Variants in CFAP70 observed in about 807,000 individuals in gnomAD.
The protein encoded by CFAP70 is cilia- and flagella-associated protein 70.
Under a neutral mutation model 137.6 loss-of-function variants are expected in CFAP70, and 81 were observed. That is an observed-to-expected ratio of 0.59 (90% CI 0.49 to 0.71). The LOEUF (loss-of-function observed/expected upper bound fraction) is 0.71, where lower values mean the gene tolerates loss of function less well. CFAP70 is among the 30% of genes least tolerant of loss of function. The probability of loss-of-function intolerance (pLI) is 0.00; values close to 1 mark genes in which losing one functional copy is unlikely to be tolerated. For missense variants in CFAP70, 976 were observed against 1,226.7 expected, an observed-to-expected ratio of 0.80 and a Z score of 3.05; for synonymous variants, 382 against 423.6, an observed-to-expected ratio of 0.90 and a Z score of 1.20.
chr10:73,344,625 T>C (rs1391972911), intron 5 of CFAP70, among the ~76,000 whole-genome samples: 5 of 152,200 alleles, frequency 3.3e-5, no homozygotes, highest in Admixed American at 2.6e-4. Flanking sequence ...AGAAGCCTTT[T>C]AGCAAGCAAG....
intron 19 of CFAP70, among the ~76,000 whole-genome samples, chr10:73,280,463 C>A (rs943464453): frequency 6.6e-6 from 1 of 152,154 alleles, no homozygotes; most frequent in South Asian, 2.1e-4. Flanking sequence ...TAAGTGTTCT[C>A]TTTTTCTCTA....
In CFAP70 at chr10:73,277,489, C is replaced by G. The variant is rs142602236; in HGVS notation, c.2399-128G>C. Reference sequence around the variant, plus strand: ...CAGCACTTTGGGAGGCCGAGGCAGGCAGATCACGAGGTCAGGAGTTCGAGA... The same window carrying G: ...CAGCACTTTGGGAGGCCGAGGCAGGGAGATCACGAGGTCAGGAGTTCGAGA... On this transcript the variant is annotated intron_variant, in intron 20 of 26. Coordinates refer to ENST00000310715, the Ensembl canonical transcript of CFAP70. 12,224 of 960,196 alleles carry G rather than the reference C, an allele frequency of 0.013. 636 individuals carry two copies. In the African/African-American group the frequency reaches 0.13, roughly 10 times the overall value. The allele number at this position is 960,196 out of a possible 1,614,324, so 59.5% of individuals were successfully genotyped here.
At chr10:73,326,432 A>C (rs1292812562) in intron 8 of CFAP70, among the ~76,000 whole-genome samples, 3 of 146,638 alleles carry the variant, frequency 2.0e-5, no homozygotes. Context: ...AAGAACTAGA[A>C]AAGCAAGAGC....
chr10:73,272,934 G>A, exon 24 of CFAP70: 5 of 1,552,162 alleles, frequency 3.2e-6, no homozygotes, highest in Non-Finnish European at 4.4e-6. Context: ...TTACCCGATA[G>A]CAGGCGATTC....
At chr10:73,358,498 G>A (rs2054845385) in intron 1 of CFAP70, among the ~76,000 whole-genome samples, 1 of 152,236 alleles carries the variant, frequency 6.6e-6, no homozygotes, top group South Asian at 2.1e-4. Context: ...GTAAAGGAAG[G>A]TCTACGTCCG....
At chr10:73,361,082 T>G (rs1217459099), upstream of CFAP70, among the ~76,000 whole-genome samples, 1 of 151,346 alleles carries the variant, frequency 6.6e-6, no homozygotes, top group African/African-American at 2.4e-5. Flanking sequence ...CACTGCAACC[T>G]CCACCTCCTG....
At chr10:73,345,076 A>T (rs1196787138) in exon 5 of CFAP70, 1 of 1,614,040 alleles carries the variant, frequency 6.2e-7, no homozygotes. Context: ...TCTCCAAGTG[A>T]TGGAACTTGC....
At chr10:73,309,941 A>T (rs536924070) in intron 12 of CFAP70, among the ~76,000 whole-genome samples, 2 of 152,268 alleles carry the variant, frequency 1.3e-5, no homozygotes, top group Non-Finnish European at 2.9e-5. Context: ...TACAGGCATG[A>T]GCCACCGCAC....
At chr10:73,281,348 A>AT (rs770634015) in intron 19 of CFAP70, among the ~76,000 whole-genome samples, 1,991 of 139,994 alleles carry the variant, frequency 0.014, 43 homozygotes, top group African/African-American at 0.045. Context: ...ACACCTGGCT[A>AT]TTTTTTTTTT....
intron 25 of CFAP70, among the ~76,000 whole-genome samples, chr10:73,269,201 T>C (rs2046036176): frequency 6.6e-6 from 1 of 152,118 alleles, no homozygotes; most frequent in Non-Finnish European, 1.5e-5. Flanking sequence ...GAGAGTTATT[T>C]TTAATAGGTA....
chr10:73,299,737 T>C (rs2048807827), intron 12 of CFAP70, 72 bp from the exon 14 acceptor site: 2 of 1,264,278 alleles, frequency 1.6e-6, no homozygotes, highest in East Asian at 2.7e-5. Context: ...TTTTCTTTTA[T>C]CTTATCCTCA....
intron 12 of CFAP70, among the ~76,000 whole-genome samples, chr10:73,309,801 T>A (rs2049753057): frequency 6.6e-6 from 1 of 151,688 alleles, no homozygotes; most frequent in Admixed American, 6.6e-5. Context: ...AGGTTACAGG[T>A]GCATGCCGCC....
intron 16 of CFAP70, 141 bp from the exon 18 acceptor site, chr10:73,292,155 A>C: frequency 3.9e-5 from 39 of 1,011,350 alleles, no homozygotes; most frequent in East Asian, 7.4e-5. Flanking sequence ...ACTGAATCTC[A>C]AATGCCTAGT....
intron 3 of CFAP70, among the ~76,000 whole-genome samples, chr10:73,352,302 G>T (rs1589606817): frequency 6.6e-6 from 1 of 152,180 alleles, no homozygotes; most frequent in African/African-American, 2.4e-5. Context: ...TTTGAGCTTT[G>T]TGAGAGTGGA....
intron 3 of CFAP70, among the ~76,000 whole-genome samples, chr10:73,349,895 C>T (rs1165034184): frequency 2.6e-5 from 4 of 152,160 alleles, no homozygotes; most frequent in Non-Finnish European, 4.4e-5. Context: ...CATTTTACTC[C>T]TAAATACCAA....
intron 21 of CFAP70, 24 bp downstream of exon 22, chr10:73,277,216 T>A: frequency 6.3e-7 from 1 of 1,599,960 alleles, no homozygotes. Flanking sequence ...TTCCATCTAC[T>A]TGCCCTTTTC....
At chr10:73,284,761 T>A (rs1387506688) in intron 19 of CFAP70, among the ~76,000 whole-genome samples, 1 of 27,188 alleles carries the variant, frequency 3.7e-5, no homozygotes, top group Non-Finnish European at 6.6e-5. Flanking sequence ...TATATATATA[T>A]ATATATATAT....
intron 4 of CFAP70, 52 bp downstream of exon 4, chr10:73,348,371 T>C: frequency 6.4e-7 from 1 of 1,569,680 alleles, no homozygotes; most frequent in South Asian, 1.1e-5. Context: ...TCTCTGGGGC[T>C]AAGTTTTATG....
chr10:73,304,533 G>A (rs1053322381), intron 12 of CFAP70, among the ~76,000 whole-genome samples: 1 of 152,158 alleles, frequency 6.6e-6, no homozygotes, highest in African/African-American at 2.4e-5. Context: ...AATTTACAAT[G>A]TGGATTAAAA....
Sources: gnomAD v4.1 joint callset for allele counts (sites outside exome capture counted in the v4.1 genomes callset) on GRCh38, gnomAD v4.1.1 for gene constraint, MANE v1.5 for transcripts, NCBI Gene and HGNC (gene_info 2026-07-23, HGNC 2026-07-21) for gene names.